SHTN1: variants seen among roughly 807,000 people sequenced by gnomAD.
The protein encoded by SHTN1 is shootin 1.
SHTN1 carries 42 observed loss-of-function variants against 83.1 expected under a neutral mutation model. The observed-to-expected ratio is 0.51, with a 90% confidence interval of 0.39 to 0.65. SHTN1 has a LOEUF of 0.65. Among genes scored for constraint, SHTN1 ranks in the 30% least tolerant of loss-of-function variants. The probability of loss-of-function intolerance (pLI) is 0.00; values close to 1 mark genes in which losing one functional copy is unlikely to be tolerated. For synonymous variants in SHTN1, 224 were observed against 247.7 expected (o/e 0.90, Z 0.90); for missense variants, 622 against 737.8 (o/e 0.84, Z 1.82).
intron 14 of SHTN1, among the ~76,000 whole-genome samples, chr10:116,910,655 A>G (rs1192765964): frequency 6.6e-6 from 1 of 152,246 alleles, no homozygotes; most frequent in African/African-American, 2.4e-5. Flanking sequence ...TGTGCCCCAG[A>G]GGACATCTTT....
chr10:117,014,262 A>G (rs150028349), intron 2 of SHTN1, among the ~76,000 whole-genome samples: 2 of 152,324 alleles, frequency 1.3e-5, no homozygotes, highest in East Asian at 3.9e-4. Flanking sequence ...CCAAAGAGGT[A>G]TACATCCCAA....
At chr10:117,057,740 A>G (rs2133593285) in intron 1 of SHTN1, among the ~76,000 whole-genome samples, 1 of 152,326 alleles carries the variant, frequency 6.6e-6, no homozygotes, top group African/African-American at 2.4e-5. Context: ...ACAACAATCT[A>G]AAAACAAAAG....
chr10:116,888,957 T>C (rs767361904), intron 16 of SHTN1, among the ~76,000 whole-genome samples: 4 of 152,244 alleles, frequency 2.6e-5, no homozygotes, highest in Non-Finnish European at 5.9e-5. Flanking sequence ...GTCTGCAGAT[T>C]GAGTCACCAG....
rs558315513 is a variant in SHTN1, at chr10:117,004,718, C to T, written c.58+304G>A. On this transcript the variant is annotated intron_variant, in intron 1 of 16. Coordinates refer to ENST00000355371, the MANE Select transcript of SHTN1 (RefSeq NM_001127211.3). ...CAAGGAAGGTGGCACTGTGCAACCT[C>T]GTCCGCACTGAATCCTCGTCCCTTC... 5.3e-5 allele frequency among the ~76,000 whole-genome samples: 8 copies of T among 152,272 alleles called. No individual in the cohort carries two copies. In the East Asian group the frequency reaches 1.6e-3, roughly 30 times the overall value.
Position 116,899,795 on chromosome 10 carries a change from A to G in SHTN1, c.1673+1970T>C, listed in dbSNP as rs985032463. On this transcript the variant is annotated intron_variant, in intron 16 of 16. Coordinates refer to ENST00000355371, the MANE Select transcript of SHTN1 (RefSeq NM_001127211.3). ...CGACTTCAAAGTGCTTTGACAGGCC[A>G]AGTCTATAAAGTAAGAGAATGTGGT... Among the ~76,000 whole-genome samples the G allele has an allele frequency of 2.6e-5, 4 of 152,332 alleles. No homozygotes were observed. In the East Asian group the frequency reaches 7.7e-4, roughly 29 times the overall value.
chr10:116,993,333 A>AT (rs1404426716), intron 1 of SHTN1, among the ~76,000 whole-genome samples: 2 of 152,012 alleles, frequency 1.3e-5, no homozygotes, highest in African/African-American at 4.8e-5. Context: ...ATGTTTTCAT[A>AT]TATGTTGTAG....
chr10:117,086,753 G>A (rs574005322), intron 1 of SHTN1, among the ~76,000 whole-genome samples: 2 of 152,292 alleles, frequency 1.3e-5, no homozygotes, highest in South Asian at 4.1e-4. Context: ...ATTCCTAGGT[G>A]TATACCCGAA....
chr10:117,092,401 C>T (rs1372969099), intron 1 of SHTN1, among the ~76,000 whole-genome samples: 4 of 152,192 alleles, frequency 2.6e-5, no homozygotes, highest in African/African-American at 9.7e-5. Flanking sequence ...ATCCTTTATC[C>T]AGAATTTGCG....
intron 2 of SHTN1, among the ~76,000 whole-genome samples, chr10:117,043,370 G>A (rs1329990445): frequency 1.3e-5 from 2 of 152,062 alleles, no homozygotes; most frequent in Non-Finnish European, 2.9e-5. Context: ...TGTTTAATGG[G>A]TACAGATATG....
rs1038728908 is a variant in SHTN1, at chr10:117,000,158, G to C, written c.58+4864C>G. 2.6e-5 allele frequency among the ~76,000 whole-genome samples: 4 copies of C among 152,076 alleles called. No homozygotes were observed. In the South Asian group the frequency reaches 8.3e-4, roughly 32 times the overall value. On this transcript the variant is annotated intron_variant, in intron 1 of 16. Coordinates refer to ENST00000355371, the MANE Select transcript of SHTN1 (RefSeq NM_001127211.3). ...CTGATGTAAAACCAAGTTTGCACTT[G>C]AAAACAAGGCAACATTTAATTCCAA...
intron 1 of SHTN1, among the ~76,000 whole-genome samples, chr10:117,119,704 T>C (rs1018818024): frequency 7.2e-5 from 11 of 152,174 alleles, no homozygotes; most frequent in Admixed American, 5.9e-4. Context: ...ATCAAAAGTA[T>C]ATCAAAGGGA....
intron 1 of SHTN1, among the ~76,000 whole-genome samples, chr10:117,120,808 TTGA>T (rs1054771020): frequency 5.0e-5 from 4 of 80,320 alleles, no homozygotes; most frequent in Non-Finnish European, 1.1e-4. Flanking sequence ...GTACACTGAT[TTGA>T]TTTTTTTTTT....
At chr10:117,074,393 T>C (rs1589920885) in intron 1 of SHTN1, among the ~76,000 whole-genome samples, 1 of 152,166 alleles carries the variant, frequency 6.6e-6, no homozygotes, top group East Asian at 1.9e-4. Flanking sequence ...AATTCAAGAG[T>C]CCTTCAGTAA....
At chr10:117,031,635 C>T (rs1852417608) in intron 2 of SHTN1, among the ~76,000 whole-genome samples, 1 of 152,074 alleles carries the variant, frequency 6.6e-6, no homozygotes, top group Non-Finnish European at 1.5e-5. Flanking sequence ...TTGCTTGTTG[C>T]TTCTATTGTT....
chr10:117,046,819 G>A, intron 2 of SHTN1, among the ~76,000 whole-genome samples: 1 of 152,116 alleles, frequency 6.6e-6, no homozygotes, highest in East Asian at 1.9e-4. Context: ...ACAATAATTA[G>A]ATGAGTAGTT....
intron 6 of SHTN1, among the ~76,000 whole-genome samples, chr10:116,949,861 T>A (rs1381580675): frequency 6.6e-6 from 1 of 151,666 alleles, no homozygotes; most frequent in Non-Finnish European, 1.5e-5. Context: ...TATAGAAAAG[T>A]TTTTTTAAAA....
intron 1 of SHTN1, among the ~76,000 whole-genome samples, chr10:117,114,790 C>G (rs1031971391): frequency 6.6e-6 from 1 of 152,186 alleles, no homozygotes; most frequent in African/African-American, 2.4e-5. Context: ...TCCAGAGGCG[C>G]CTAACTGACT....
In SHTN1 at chr10:116,886,071, A is replaced by G. The variant is rs890248224; in HGVS notation, c.*273T>C. 2 of 425,276 alleles carry G rather than the reference A, an allele frequency of 4.7e-6. No individual in the cohort carries two copies. The highest frequency in any genetic ancestry group is 8.3e-6 in the Non-Finnish European group (2 of 242,230). The allele number at this position is 425,276 out of a possible 1,614,324, so 26.3% of individuals were successfully genotyped here. ...GTATCAACATCTGAATTTTTTTGTA[A>G]CCTTCTAAAAGAAGTCATACTTAAT... On this transcript the variant is annotated 3_prime_UTR_variant, in exon 17 of 17. Coordinates refer to ENST00000355371, the MANE Select transcript of SHTN1 (RefSeq NM_001127211.3).
chr10:117,112,997 T>C (rs1404582487), intron 1 of SHTN1, among the ~76,000 whole-genome samples: 1 of 152,212 alleles, frequency 6.6e-6, no homozygotes, highest in Non-Finnish European at 1.5e-5. Context: ...GGTGACTGTT[T>C]CTTATAAGTG....
Sources: allele counts gnomAD v4.1 joint callset (sites outside exome capture counted in the v4.1 genomes callset), GRCh38; gene constraint gnomAD v4.1.1; transcripts MANE v1.5; gene names NCBI Gene and HGNC (gene_info 2026-07-23, HGNC 2026-07-21).